The following CRK variants were observed in gnomAD, a reference collection of about 807,000 sequenced individuals.
CRK encodes CRK proto-oncogene, adaptor protein.
CRK carries 4 observed loss-of-function variants against 29.8 expected under a neutral mutation model. The observed-to-expected ratio is 0.13, with a 90% CI of 0.07 to 0.31. The LOEUF is 0.31. CRK is among the 10% of genes least tolerant of loss of function. The pLI, the probability that CRK is intolerant of heterozygous loss-of-function variation, is 1.00. For missense variants in CRK, 274 were observed against 396.5 expected, an observed-to-expected ratio of 0.69 and a Z score of 2.62; for synonymous variants, 153 against 164.9, an observed-to-expected ratio of 0.93 and a Z score of 0.55.
At chr17:1,453,957 T>C (rs2074037479) in intron 1 of CRK, among the ~76,000 whole-genome samples, 1 of 151,806 alleles carries the variant, frequency 6.6e-6, no homozygotes, top group African/African-American at 2.4e-5. Flanking sequence ...TCCCAGCATT[T>C]TGGGAGGCAA....
chr17:1,433,944 C>CCCACCTCA (rs1310267733), intron 2 of CRK, among the ~76,000 whole-genome samples: 1 of 151,820 alleles, frequency 6.6e-6, no homozygotes, highest in African/African-American at 2.4e-5. Flanking sequence ...AAGCGATCCT[C>CCCACCTCA]CCACCTCAGC....
At chr17:1,444,452 G>A (rs577790149) in intron 1 of CRK, among the ~76,000 whole-genome samples, 1 of 152,222 alleles carries the variant, frequency 6.6e-6, no homozygotes, top group Non-Finnish European at 1.5e-5. Context: ...TTGAACCTGG[G>A]AGGCGGAGCC....
chr17:1,429,555 TG>T (rs2073817023), intron 2 of CRK, among the ~76,000 whole-genome samples: 1 of 151,788 alleles, frequency 6.6e-6, no homozygotes, highest in South Asian at 2.1e-4. Flanking sequence ...ATTATAGGCA[TG>T]GGCCACCTTG....
At chr17:1,429,472 C>T (rs7211395) in intron 2 of CRK, among the ~76,000 whole-genome samples, 2,098 of 152,036 alleles carry the variant, frequency 0.014, 43 homozygotes, top group African/African-American at 0.047. Context: ...CCAGGTTTCA[C>T]CACATTGGAC....
At position 1,423,182 on chromosome 17, in the gene CRK, A is replaced by G. The variant is rs1290835238; in HGVS notation, c.*331T>C. On this transcript the variant is annotated 3_prime_UTR_variant, in exon 3 of 3. Transcript: ENST00000300574. ...TAAATCAGGGTAAGCAGTGTGTAAC[A>G]CTCCTTCCTGTCCATCGGTTTTCCA... 1.4e-5 allele frequency: 7 copies of G among 492,372 alleles called. No individual in the cohort carries two copies. Among genetic ancestry groups the G allele is most frequent in the Non-Finnish European group, 2.5e-5 (7 of 280,754 alleles). The allele number at this position is 492,372 out of a possible 1,614,324, so 30.5% of individuals were successfully genotyped here.
At chr17:1,428,727 T>C (rs1301813217) in intron 2 of CRK, among the ~76,000 whole-genome samples, 6 of 150,242 alleles carry the variant, frequency 4.0e-5, no homozygotes, top group Non-Finnish European at 5.9e-5. Context: ...TTTCACCATA[T>C]TGGCCAGGCT....
intron 2 of CRK, among the ~76,000 whole-genome samples, chr17:1,430,248 T>C (rs755360652): frequency 1.4e-4 from 21 of 151,920 alleles, no homozygotes; most frequent in Admixed American, 1.3e-3. Flanking sequence ...TTCAAAATGT[T>C]AGTCAGGCTG....
intron 1 of CRK, among the ~76,000 whole-genome samples, chr17:1,449,455 G>A (rs1042441619): frequency 1.3e-5 from 2 of 152,136 alleles, no homozygotes; most frequent in Non-Finnish European, 2.9e-5. Context: ...TACTGAATAT[G>A]GAGTATCATT....
intron 2 of CRK, among the ~76,000 whole-genome samples, chr17:1,424,080 T>TC (rs1336872925): frequency 2.0e-5 from 3 of 149,350 alleles, no homozygotes; most frequent in Admixed American, 1.3e-4. Context: ...TTTTTTTTTT[T>TC]TTTTTTTTGA....
At chr17:1,445,153 A>T (rs1051794544) in intron 1 of CRK, among the ~76,000 whole-genome samples, 6 of 152,166 alleles carry the variant, frequency 3.9e-5, no homozygotes, top group African/African-American at 1.2e-4. Flanking sequence ...GTCAAAAAAA[A>T]AAAAAAATCA....
In CRK at chr17:1,450,201, T is replaced by C. The variant is rs2074006425; in HGVS notation, c.241+5676A>G. ...GCCTGGGCAACAGAGCAAGACTCTG[T>C]CTCAAAACATAAATAAAGTTTAAAA... On this transcript the variant is annotated intron_variant, in intron 1 of 2. Transcript: ENST00000300574. 3.3e-5 allele frequency among the ~76,000 whole-genome samples: 5 copies of C among 151,806 alleles called. No homozygotes were observed. In the South Asian group the frequency reaches 1.0e-3, roughly 32 times the overall value.
chr17:1,423,184 T>A lies in CRK; in HGVS notation c.*329A>T. 2.0e-6 allele frequency: 1 copy of A among 491,806 alleles called. No individual in the cohort carries two copies. The highest frequency in any genetic ancestry group is 3.6e-6 in the Non-Finnish European group (1 of 280,274). 30.5% of individuals were successfully genotyped at this position (491,806 alleles called of 1,614,324 possible). A position where few individuals can be genotyped will look rare whatever the true frequency, so the allele number is the denominator to read the frequency against. On this transcript the variant is annotated 3_prime_UTR_variant, in exon 3 of 3. Coordinates refer to ENST00000300574, the MANE Select transcript of CRK (RefSeq NM_016823.4). ...AATCAGGGTAAGCAGTGTGTAACAC[T>A]CCTTCCTGTCCATCGGTTTTCCACA...
At chr17:1,453,063 A>C (rs2074030919) in intron 1 of CRK, among the ~76,000 whole-genome samples, 1 of 152,156 alleles carries the variant, frequency 6.6e-6, no homozygotes, top group South Asian at 2.1e-4. Flanking sequence ...AGCTGTGTTC[A>C]TGCCACTGCA....
intron 1 of CRK, 50 bp from the exon 2 acceptor site, chr17:1,437,205 T>G (rs762505287): frequency 6.6e-7 from 1 of 1,507,630 alleles, no homozygotes; most frequent in South Asian, 1.4e-5. Context: ...ACACTGGAAA[T>G]GAAATGCAGA....
At chr17:1,444,518 C>G (rs2073958516) in intron 1 of CRK, among the ~76,000 whole-genome samples, 1 of 145,798 alleles carries the variant, frequency 6.9e-6, no homozygotes, top group Non-Finnish European at 1.5e-5. Flanking sequence ...GAGGGAGAGC[C>G]TGTCTCAATT....
intron 1 of CRK, among the ~76,000 whole-genome samples, chr17:1,438,880 T>A (rs559618727): frequency 4.0e-5 from 6 of 151,078 alleles, no homozygotes; most frequent in Non-Finnish European, 7.4e-5. Flanking sequence ...TTTTGCTGTG[T>A]CACGCAGGCT....
chr17:1,430,579 A>G (rs1174836335), intron 2 of CRK, among the ~76,000 whole-genome samples: 1 of 132,474 alleles, frequency 7.5e-6, no homozygotes. Flanking sequence ...ATTAGCCAGG[A>G]TGGTCTCCAT....
intron 1 of CRK, among the ~76,000 whole-genome samples, chr17:1,439,442 C>A (rs1302615727): frequency 6.6e-6 from 1 of 152,072 alleles, no homozygotes; most frequent in South Asian, 2.1e-4. Context: ...AACTCCCACT[C>A]GGCTAAGCAC....
intron 1 of CRK, among the ~76,000 whole-genome samples, chr17:1,454,384 TACA>T (rs1189168662): frequency 2.6e-5 from 4 of 151,828 alleles, no homozygotes; most frequent in Non-Finnish European, 2.9e-5. Flanking sequence ...CTACGAAAAA[TACA>T]ACATTAGCTG....
Sources: gnomAD v4.1 joint callset for allele counts (sites outside exome capture counted in the v4.1 genomes callset) on GRCh38, gnomAD v4.1.1 for gene constraint, MANE v1.5 for transcripts, NCBI Gene and HGNC (gene_info 2026-07-23, HGNC 2026-07-21) for gene names.